Variants in MCUB observed in about 807,000 individuals in gnomAD.
MCUB encodes the protein calcium uniporter regulatory subunit MCUb, mitochondrial.
In MCUB, 46 loss-of-function variants were observed where a neutral mutation model predicts 41.4. That is an observed-to-expected ratio of 1.11 (90% CI 0.88 to 1.42). The LOEUF (loss-of-function observed/expected upper bound fraction) is 1.42, where lower values mean the gene tolerates loss of function less well. Ranked by LOEUF, MCUB falls within the 40% of genes most tolerant of loss-of-function variation. The pLI is 0.00. For missense variants in MCUB, 403 were observed against 404.9 expected (o/e 1.00, Z 0.04); for synonymous variants, 148 against 148.2 (o/e 1.00, Z 0.01).
chr4:109,682,649 A>T lies in MCUB; in HGVS notation c.519A>T (p.Thr173=), dbSNP rs377267962. The T allele has an allele frequency of 1.1e-5, 18 of 1,613,144 alleles. No individual in the cohort carries two copies. The highest frequency in any genetic ancestry group is 1.5e-5 in the Non-Finnish European group (18 of 1,179,206). The change falls in exon 5 of 8, where the codon ACA becomes ACT. Residue 173 remains threonine, a synonymous_variant. Coordinates refer to ENST00000394650, the MANE Select transcript of MCUB (RefSeq NM_017918.5). ...HMKSLVHRLF[T]ILHLEESQKK... is the part of the protein sequence containing the mutation. Reference sequence around the variant, plus strand: ...AATCTTTGGTTCACAGACTATTTACAATCTTGCATTTAGAAGAGTCTCAGA... The same window carrying T: ...AATCTTTGGTTCACAGACTATTTACTATCTTGCATTTAGAAGAGTCTCAGA...
At chr4:109,618,028 T>A (rs1163478725) in intron 1 of MCUB, among the ~76,000 whole-genome samples, 1 of 152,218 alleles carries the variant, frequency 6.6e-6, no homozygotes, top group African/African-American at 2.4e-5. Flanking sequence ...CTGATTTCAT[T>A]TGTAACTGGT....
rs1202449658 is a variant in MCUB at position 109,687,548 on chromosome 4, C to A, written c.967C>A (p.Leu323Ile). Residue 323 changes from leucine to isoleucine, a missense_variant, in exon 8 of 8, where the codon CTC (leucine) becomes ATC (isoleucine). By Grantham distance (5) the Leu-to-Ile change is conservative (BLOSUM62 2). Coordinates refer to ENST00000394650, the MANE Select transcript of MCUB (RefSeq NM_017918.5). ...ATCCCTGAAACAGGCGCGTCATTCT[C>A]TCTGTTTGCAAATGCAAGTAGAAGA... is the stretch of plus-strand genomic sequence containing the variant. ...KESLKQARHS[L>I]CLQMQVEELN... 7 of 1,612,822 alleles carry A rather than the reference C, an allele frequency of 4.3e-6. No homozygotes were observed. The Middle Eastern group carries it at 4.9e-4, about 114-fold the overall frequency.
chr4:109,569,219 T>A (rs1284707841), intron 1 of MCUB, among the ~76,000 whole-genome samples: 1 of 150,170 alleles, frequency 6.7e-6, no homozygotes, highest in Non-Finnish European at 1.5e-5. Context: ...GCCAATTTTT[T>A]ATATTTTTAG....
chr4:109,571,375 C>T (rs1239898944), intron 1 of MCUB, among the ~76,000 whole-genome samples: 3 of 152,072 alleles, frequency 2.0e-5, no homozygotes, highest in African/African-American at 4.8e-5. Context: ...TGCAGTGGTG[C>T]GATCTTGGCT....
intron 4 of MCUB, among the ~76,000 whole-genome samples, chr4:109,674,808 AAT>A (rs1729536347): frequency 6.6e-6 from 1 of 152,256 alleles, no homozygotes; most frequent in South Asian, 2.1e-4. Context: ...TTGAAATAGA[AAT>A]ATGTATTTTA....
intron 1 of MCUB, among the ~76,000 whole-genome samples, chr4:109,624,410 A>G (rs182562870): frequency 6.6e-6 from 1 of 152,348 alleles, no homozygotes; most frequent in East Asian, 1.9e-4. Context: ...ATATCACTGG[A>G]GCATGGAAAG....
chr4:109,661,952 G>A (rs1476106523), intron 3 of MCUB, among the ~76,000 whole-genome samples: 1 of 152,178 alleles, frequency 6.6e-6, no homozygotes, highest in African/African-American at 2.4e-5. Flanking sequence ...AGAATCGCTT[G>A]AACATGGGAG....
At position 109,687,852 on chromosome 4, in the gene MCUB, C is replaced by T. The variant is rs372921765; in HGVS notation, c.*260C>T. 28 of 424,318 alleles carry T rather than the reference C, an allele frequency of 6.6e-5. No individual in the cohort carries two copies. The highest frequency in any genetic ancestry group is 6.1e-4 in the East Asian group (13 of 21,310). The allele number at this position is 424,318 out of a possible 1,614,324, so 26.3% of individuals were successfully genotyped here. The stretch of plus-strand genomic sequence containing the variant: ...TAAAAATCCTTGTCAGCTTGTCCCA[C>T]GTTTATTCTCTATGTGGAGGTGAAA... On this transcript the variant is annotated 3_prime_UTR_variant, in exon 8 of 8. Transcript: ENST00000394650.
intron 1 of MCUB, among the ~76,000 whole-genome samples, chr4:109,643,449 T>A (rs1166446352): frequency 6.6e-6 from 1 of 152,046 alleles, no homozygotes; most frequent in Non-Finnish European, 1.5e-5. Context: ...CCTCCCAAAG[T>A]GCTGGGATTA....
intron 1 of MCUB, among the ~76,000 whole-genome samples, chr4:109,589,068 T>C (rs564889875): frequency 3.3e-4 from 51 of 152,354 alleles, no homozygotes; most frequent in African/African-American, 1.2e-3. Context: ...TATTGTGCTT[T>C]TTGAAATTAT....
chr4:109,651,775 T>A (rs1728966502), intron 1 of MCUB, among the ~76,000 whole-genome samples: 1 of 152,208 alleles, frequency 6.6e-6, no homozygotes, highest in Non-Finnish European at 1.5e-5. Flanking sequence ...TCCATTATTC[T>A]TGATATATTT....
chr4:109,677,915 TA>T (rs1233660320), intron 4 of MCUB, among the ~76,000 whole-genome samples: 2 of 147,516 alleles, frequency 1.4e-5, no homozygotes, highest in Non-Finnish European at 3.0e-5. Context: ...GGTCAGCAGA[TA>T]AACACGTGAA....
At chr4:109,606,255 G>A (rs754272693) in intron 1 of MCUB, among the ~76,000 whole-genome samples, 1 of 152,198 alleles carries the variant, frequency 6.6e-6, no homozygotes, top group East Asian at 1.9e-4. Flanking sequence ...GATTACAGGT[G>A]TGAGCCACTG....
chr4:109,601,094 A>G (rs1000618944), intron 1 of MCUB, among the ~76,000 whole-genome samples: 1 of 126,970 alleles, frequency 7.9e-6, no homozygotes, highest in Non-Finnish European at 1.7e-5. Context: ...CACCCGGCCT[A>G]TTGTATCTTT....
chr4:109,679,824 CAG>C (rs777912660), intron 4 of MCUB, among the ~76,000 whole-genome samples: 7 of 148,632 alleles, frequency 4.7e-5, no homozygotes, highest in East Asian at 1.9e-4. Context: ...GTTTTTGAGA[CAG>C]AGTCTCTCTG....
chr4:109,685,367 G>A lies in MCUB; in HGVS notation c.933G>A (p.Lys311=), dbSNP rs1450980419. 7.6e-7 allele frequency: 1 copy of A among 1,317,634 alleles called. No homozygotes were observed. Among genetic ancestry groups the A allele is most frequent in the Non-Finnish European group, 1.1e-6 (1 of 910,788 alleles). 81.6% of individuals were successfully genotyped at this position (1,317,634 alleles called of 1,614,324 possible). The change falls in exon 7 of 8, where the codon AAG becomes AAA. Residue 311 remains lysine (K), a splice_region_variant and synonymous_variant. Transcript: ENST00000394650. ...QYNKLKEDLA[K]AKESLKQARH... ...ACAAGTTAAAAGAAGACCTTGCTAA[G>A]GTATACTACAAATACATCTTATAGC...
intron 1 of MCUB, among the ~76,000 whole-genome samples, chr4:109,596,950 C>T (rs1461710277): frequency 6.6e-6 from 1 of 151,866 alleles, no homozygotes; most frequent in Non-Finnish European, 1.5e-5. Context: ...AAGCATGCTG[C>T]CTTCAAGCGT....
Position 109,688,635 on chromosome 4 carries a change from C to G in MCUB, c.*1043C>G, listed in dbSNP as rs3182325. Reference sequence around the variant, plus strand: ...GAAAAATGTAATAAAATATGAATTTCGAATATTTTATTAAGGGATGATTTA... The same window carrying G: ...GAAAAATGTAATAAAATATGAATTTGGAATATTTTATTAAGGGATGATTTA... On this transcript the variant is annotated 3_prime_UTR_variant, in exon 8 of 8. Coordinates refer to ENST00000394650, the MANE Select transcript of MCUB (RefSeq NM_017918.5). The G allele has an allele frequency of 6.6e-6, 1 of 152,044 alleles. No individual in the cohort carries two copies. Among genetic ancestry groups the G allele is most frequent in the East Asian group, 1.9e-4 (1 of 5,158 alleles). The allele number at this position is 152,044 out of a possible 1,614,324, so 9.4% of individuals were successfully genotyped here. A position where few individuals can be genotyped will look rare whatever the true frequency, so the allele number is the denominator to read the frequency against.
chr4:109,579,798 AATG>A (rs1247682634), intron 1 of MCUB, among the ~76,000 whole-genome samples: 3 of 152,218 alleles, frequency 2.0e-5, no homozygotes, highest in Non-Finnish European at 4.4e-5. Flanking sequence ...TCAAAATAAA[AATG>A]ATATTTAAAG....
Sources: allele counts gnomAD v4.1 joint callset (sites outside exome capture counted in the v4.1 genomes callset), GRCh38; gene constraint gnomAD v4.1.1; transcripts MANE v1.5; gene names NCBI Gene and HGNC (gene_info 2026-07-23, HGNC 2026-07-21).